LNX1: variants seen among roughly 807,000 people sequenced by gnomAD.
The protein encoded by LNX1 is E3 ubiquitin-protein ligase LNX.
A neutral mutation model predicts 68.4 loss-of-function variants in LNX1; 54 were observed. The ratio of observed to expected loss-of-function variants is 0.79; its 90% CI spans 0.63 to 0.99. The LOEUF is 0.99. Among genes scored for constraint, LNX1 ranks in the 50% least tolerant of loss-of-function variants. LNX1 has a pLI of 0.00. For missense variants in LNX1, 906 were observed against 926.4 expected (o/e 0.98, Z 0.29); for synonymous variants, 336 against 350.0 (o/e 0.96, Z 0.45).
chr4:53,640,541 A>C (rs1734639660), intron 1 of LNX1, among the ~76,000 whole-genome samples: 2 of 152,218 alleles, frequency 1.3e-5, no homozygotes. Context: ...TCATTGCTAA[A>C]AATAAAGAAT....
chr4:53,641,682 C>T (rs1168893864), intron 1 of LNX1, among the ~76,000 whole-genome samples: 1 of 152,210 alleles, frequency 6.6e-6, no homozygotes, highest in Non-Finnish European at 1.5e-5. Context: ...CTCCCTCTCA[C>T]TCCCCATTCA....
At chr4:53,521,715 C>T (rs775664006) in intron 2 of LNX1, among the ~76,000 whole-genome samples, 3 of 152,156 alleles carry the variant, frequency 2.0e-5, no homozygotes, top group African/African-American at 7.2e-5. Context: ...GGAGGGGATG[C>T]TTTTCCTGTT....
intron 1 of LNX1, among the ~76,000 whole-genome samples, chr4:53,639,598 A>C (rs1409362456): frequency 2.0e-5 from 3 of 152,342 alleles, no homozygotes; most frequent in South Asian, 2.1e-4. Context: ...ACAGGAACCC[A>C]ACTTCATTCT....
intron 1 of LNX1, among the ~76,000 whole-genome samples, chr4:53,651,259 T>C (rs982237737): frequency 2.6e-5 from 4 of 152,224 alleles, no homozygotes; most frequent in African/African-American, 9.6e-5. Flanking sequence ...TATGTTGAGC[T>C]CGTTTGAAGC....
At chr4:53,482,144 T>G (rs185107244) in intron 6 of LNX1, among the ~76,000 whole-genome samples, 1 of 152,210 alleles carries the variant, frequency 6.6e-6, no homozygotes, top group Non-Finnish European at 1.5e-5. Context: ...AATTCATTTT[T>G]AATTAATGGT....
intron 2 of LNX1, among the ~76,000 whole-genome samples, chr4:53,516,141 C>T (rs1272181739): frequency 1.3e-5 from 2 of 151,994 alleles, no homozygotes; most frequent in South Asian, 2.1e-4. Flanking sequence ...ACTCAGGAGG[C>T]GGAGGCAGGA....
At chr4:53,574,379 T>C (rs562271531) in intron 1 of LNX1, among the ~76,000 whole-genome samples, 1 of 152,084 alleles carries the variant, frequency 6.6e-6, no homozygotes, top group Non-Finnish European at 1.5e-5. Flanking sequence ...AAAGTAACTC[T>C]AAAAAATGTA....
intron 9 of LNX1, among the ~76,000 whole-genome samples, chr4:53,473,087 A>AAAAAG (rs951168112): frequency 6.6e-6 from 1 of 152,178 alleles, no homozygotes; most frequent in Admixed American, 6.5e-5. Context: ...AGTGAGGTAA[A>AAAAAG]AAAAGAAAAG....
intron 9 of LNX1, among the ~76,000 whole-genome samples, chr4:53,467,509 G>A (rs1722777569): frequency 6.6e-6 from 1 of 152,214 alleles, no homozygotes; most frequent in Non-Finnish European, 1.5e-5. Flanking sequence ...TCAACAAGTT[G>A]AGAGAGGAAG....
At position 53,488,372 on chromosome 4, in the gene LNX1, T is replaced by G. The variant is rs148876188; in HGVS notation, c.1351-6518A>C. ...TGAGGATCACTCTCATTGCTCTCTC[T>G]TAGCTCTTTCCCTTTCCAGGTCAAC... On this transcript the variant is annotated intron_variant, in intron 6 of 10. Transcript: ENST00000263925. 3.6e-3 allele frequency among the ~76,000 whole-genome samples: 555 copies of G among 152,336 alleles called. 2 individuals carry two copies. Among genetic ancestry groups the G allele is most frequent in the African/African-American group, 0.013 (528 of 41,580 alleles).
At chr4:53,549,260 A>G (rs1729332121) in intron 2 of LNX1, 1 of 152,202 alleles carries the variant, frequency 6.6e-6, no homozygotes, top group Non-Finnish European at 1.5e-5. Context: ...TTACATTCAT[A>G]GACTTCAATG....
chr4:53,639,123 C>G (rs1734583178), intron 1 of LNX1, among the ~76,000 whole-genome samples: 1 of 152,148 alleles, frequency 6.6e-6, no homozygotes, highest in African/African-American at 2.4e-5. Context: ...AAATATGGTA[C>G]ATATACACCA....
At chr4:53,563,408 G>A (rs887886847) in intron 2 of LNX1, among the ~76,000 whole-genome samples, 2 of 152,172 alleles carry the variant, frequency 1.3e-5, no homozygotes, top group African/African-American at 4.8e-5. Context: ...GTCTCCAGAG[G>A]TATTAACTAC....
At chr4:53,650,283 G>A (rs1735046983) in intron 1 of LNX1, among the ~76,000 whole-genome samples, 1 of 152,190 alleles carries the variant, frequency 6.6e-6, no homozygotes, top group Non-Finnish European at 1.5e-5. Flanking sequence ...GGGGTGTGGA[G>A]GACATACGGT....
In LNX1 at chr4:53,468,637, GGAA is replaced by G. The variant is rs199980906; in HGVS notation, c.1893-7047_1893-7045del. Among the ~76,000 whole-genome samples the G allele has an allele frequency of 7.4e-3, 1,132 of 152,256 alleles. 17 individuals are homozygous for G. Among genetic ancestry groups the G allele is most frequent in the African/African-American group, 0.026 (1,067 of 41,540 alleles). The stretch of plus-strand genomic sequence containing the variant: ...CACACATAGGCTCAAATAAAGGGAT[GGAA>G]GAAGATCTACCAAGCAAATGGAAAA... On this transcript the variant is annotated intron_variant, in intron 9 of 10. Transcript: ENST00000263925.
intron 1 of LNX1, among the ~76,000 whole-genome samples, chr4:53,580,274 C>T (rs1301785856): frequency 1.3e-5 from 2 of 152,134 alleles, no homozygotes; most frequent in Non-Finnish European, 2.9e-5. Flanking sequence ...TTTTTAAGTC[C>T]TTTAATTATT....
chr4:53,524,984 C>T lies in LNX1; in HGVS notation c.381-16757G>A, dbSNP rs6831173. ...TCCCCTTGTGGAGGGAGTCTTAGAGCGTAAAGATGGGGATTTGTGGTTGAT... is the reference window on the plus strand; with the variant it reads ...TCCCCTTGTGGAGGGAGTCTTAGAGTGTAAAGATGGGGATTTGTGGTTGAT... On this transcript the variant is annotated intron_variant, in intron 2 of 10. Coordinates refer to ENST00000263925, the MANE Select transcript of LNX1 (RefSeq NM_001126328.3). 5.3e-5 allele frequency among the ~76,000 whole-genome samples: 8 copies of T among 152,062 alleles called. No homozygotes were observed. In the South Asian group the frequency reaches 1.0e-3, roughly 20 times the overall value.
chr4:53,501,311 G>GGGGGAA (rs1553932778), intron 4 of LNX1, among the ~76,000 whole-genome samples: 2 of 55,694 alleles, frequency 3.6e-5, no homozygotes, highest in Non-Finnish European at 7.3e-5. Flanking sequence ...GGGGTGGGGG[G>GGGGGAA]ACAGGATCTC....
At position 53,604,203 on chromosome 4, in the gene LNX1, A is replaced by T. The variant is rs528287509; in HGVS notation, c.-215+12314T>A. 2.6e-5 allele frequency among the ~76,000 whole-genome samples: 4 copies of T among 152,254 alleles called. No homozygotes were observed. The East Asian group carries it at 7.7e-4, about 29-fold the overall frequency. The stretch of plus-strand genomic sequence containing the variant: ...CTACCCTTCGTAGAAGACAATTTGT[A>T]TTACTCTTTCCCTGCTGCCCCACTA... On this transcript the variant is annotated intron_variant, in intron 2 of 3. Coordinates refer to the LNX1 transcript ENST00000504299.
Sources: allele counts gnomAD v4.1 joint callset (sites outside exome capture counted in the v4.1 genomes callset), GRCh38; gene constraint gnomAD v4.1.1; transcripts MANE v1.5; gene names NCBI Gene and HGNC (gene_info 2026-07-23, HGNC 2026-07-21).